The following SUMO2 variants were observed in gnomAD, a reference collection of about 807,000 sequenced individuals.
SUMO2 encodes small ubiquitin like modifier 2, also known as small ubiquitin-related modifier 2.
SUMO2 carries 1 observed loss-of-function variant against 16.0 expected under a neutral mutation model. The ratio of observed to expected loss-of-function variants is 0.06; its 90% confidence interval spans 0.02 to 0.30. The LOEUF (loss-of-function observed/expected upper bound fraction) is 0.30, where lower values mean the gene tolerates loss of function less well. Ranked by LOEUF, SUMO2 falls within the 10% of genes least tolerant of loss-of-function variation. The pLI is 1.00. For missense variants in SUMO2, 16 were observed against 117.5 expected (o/e 0.14, Z 3.99); for synonymous variants, 36 against 40.6 (o/e 0.89, Z 0.43).
At chr17:75,180,483 C>T (rs893588463) in intron 2 of SUMO2, among the ~76,000 whole-genome samples, 1 of 137,826 alleles carries the variant, frequency 7.3e-6, no homozygotes, top group Non-Finnish European at 1.5e-5. Context: ...AAGGCCGAGG[C>T]GGGCGGATCA....
intron 2 of SUMO2, among the ~76,000 whole-genome samples, chr17:75,177,171 C>CAA (rs55817377): frequency 6.3e-5 from 7 of 111,626 alleles, no homozygotes; most frequent in Non-Finnish European, 1.2e-4. Context: ...ACTCTTGTCT[C>CAA]AAAAAAAAAA....
intron 2 of SUMO2, among the ~76,000 whole-genome samples, chr17:75,178,812 C>A (rs537480022): frequency 6.6e-6 from 1 of 151,742 alleles, no homozygotes; most frequent in Non-Finnish European, 1.5e-5. Context: ...GAGGCTGAGG[C>A]GGGTGGTTCA....
intron 2 of SUMO2, among the ~76,000 whole-genome samples, chr17:75,175,692 G>C (rs2074777079): frequency 6.8e-6 from 1 of 146,782 alleles, no homozygotes; most frequent in Non-Finnish European, 1.5e-5. Context: ...GAGTGCAGTG[G>C]TGCGATCTTG....
chr17:75,175,826 T>C (rs567562644), intron 2 of SUMO2, among the ~76,000 whole-genome samples: 1 of 151,562 alleles, frequency 6.6e-6, no homozygotes, highest in African/African-American at 2.4e-5. Context: ...AGAGACAGGG[T>C]TTCACCATGT....
intron 2 of SUMO2, among the ~76,000 whole-genome samples, chr17:75,177,767 T>A (rs1161396567): frequency 6.7e-6 from 1 of 149,814 alleles, no homozygotes; most frequent in Non-Finnish European, 1.5e-5. Context: ...GCGAGACGGG[T>A]GGGTCACCTG....
intron 3 of SUMO2, among the ~76,000 whole-genome samples, chr17:75,173,954 G>A (rs1442527873): frequency 6.6e-6 from 1 of 152,224 alleles, no homozygotes; most frequent in East Asian, 1.9e-4. Flanking sequence ...ACGTTTTGTA[G>A]TAAGGATCTG....
At chr17:75,171,026 G>A (rs182212328) in intron 3 of SUMO2, among the ~76,000 whole-genome samples, 44 of 151,612 alleles carry the variant, frequency 2.9e-4, no homozygotes, top group Middle Eastern at 3.4e-3. Flanking sequence ...AGCCAACTCG[G>A]TGCACTGACT....
At chr17:75,178,124 A>G (rs1243339612) in intron 2 of SUMO2, among the ~76,000 whole-genome samples, 1 of 151,272 alleles carries the variant, frequency 6.6e-6, no homozygotes, top group East Asian at 1.9e-4. Context: ...TAATCCTCCC[A>G]CTGCACTTCA....
intron 2 of SUMO2, among the ~76,000 whole-genome samples, chr17:75,176,117 G>A (rs564774766): frequency 2.8e-4 from 42 of 151,490 alleles, no homozygotes; most frequent in Middle Eastern, 3.4e-3. Context: ...TCAGTTCAAC[G>A]CAACCTCCAC....
At chr17:75,169,272 C>T (rs1197051853) in intron 3 of SUMO2, among the ~76,000 whole-genome samples, 1 of 152,036 alleles carries the variant, frequency 6.6e-6, no homozygotes, top group Admixed American at 6.6e-5. Flanking sequence ...CGCACAATGG[C>T]TCACTCCTGT....
intron 3 of SUMO2, among the ~76,000 whole-genome samples, chr17:75,169,867 G>A (rs1254212977): frequency 1.7e-5 from 2 of 117,964 alleles, no homozygotes; most frequent in Non-Finnish European, 3.3e-5. Context: ...AAAAAAAGGT[G>A]GGGGGGGGCG....
At chr17:75,177,569 C>A (rs2074792176) in intron 2 of SUMO2, among the ~76,000 whole-genome samples, 1 of 151,280 alleles carries the variant, frequency 6.6e-6, no homozygotes, top group Non-Finnish European at 1.5e-5. Context: ...GTAATCCCAG[C>A]TACTTGTGAG....
chr17:75,168,614 G>GTT (rs371365057), intron 3 of SUMO2, among the ~76,000 whole-genome samples: 1 of 146,508 alleles, frequency 6.8e-6, no homozygotes, highest in African/African-American at 2.5e-5. Context: ...AAACTTTTTT[G>GTT]TTTTTTTTTT....
chr17:75,168,587 T>C (rs1298274503), intron 3 of SUMO2, among the ~76,000 whole-genome samples, 186 bp from the exon 4 acceptor site: 2 of 152,120 alleles, frequency 1.3e-5, no homozygotes, highest in Non-Finnish European at 2.9e-5. Context: ...GGCTTCCTTT[T>C]TTATGACTAT....
chr17:75,169,033 A>C (rs1568044761), intron 3 of SUMO2, among the ~76,000 whole-genome samples: 1 of 151,288 alleles, frequency 6.6e-6, no homozygotes, highest in African/African-American at 2.4e-5. Context: ...CACCTGGGCA[A>C]CATAGGGAGA....
chr17:75,180,411 A>AC lies in SUMO2; in HGVS notation c.153+645_153+646insG, dbSNP rs200067343. Among the ~76,000 whole-genome samples, 856 of 143,712 alleles carry AC rather than the reference A, an allele frequency of 6.0e-3. 76 individuals carry two copies. The East Asian group carries it at 0.17, about 28-fold the overall frequency. 94.3% of individuals were successfully genotyped at this position (143,712 alleles called of 152,430 possible). A position where few individuals can be genotyped will look rare whatever the true frequency, so the allele number is the denominator to read the frequency against. On this transcript the variant is annotated intron_variant, in intron 2 of 3. Transcript: ENST00000420826. ...CCAGCTTAAAAAAAAAAAAAAAAAAAAAAAAAAAAACGACTTCTTGGTTTG... is the reference window on the plus strand; with the variant it reads ...CCAGCTTAAAAAAAAAAAAAAAAAAACAAAAAAAAAACGACTTCTTGGTTTG...
chr17:75,180,411 A>AAAC lies in SUMO2; in HGVS notation c.153+645_153+646insGTT, dbSNP rs1555655458. On this transcript the variant is annotated intron_variant, in intron 2 of 3. Coordinates refer to ENST00000420826, the MANE Select transcript of SUMO2 (RefSeq NM_006937.4). ...CCAGCTTAAAAAAAAAAAAAAAAAA[A>AAAC]AAAAAAAAAACGACTTCTTGGTTTG... 6.7e-4 allele frequency among the ~76,000 whole-genome samples: 96 copies of AAAC among 143,718 alleles called. 1 individual carries two copies. The highest frequency in any genetic ancestry group is 5.8e-4 in the Non-Finnish European group (38 of 65,050). 94.3% of individuals were successfully genotyped at this position (143,718 alleles called of 152,430 possible). A position where few individuals can be genotyped will look rare whatever the true frequency, so the allele number is the denominator to read the frequency against.
chr17:75,168,302 A>C lies in SUMO2; in HGVS notation c.*37T>G. 1 of 1,495,978 alleles carries C rather than the reference A, an allele frequency of 6.7e-7. No individual in the cohort carries two copies. The highest frequency in any genetic ancestry group is 9.0e-7 in the Non-Finnish European group (1 of 1,106,280). The allele number at this position is 1,495,978 out of a possible 1,614,324, so 92.7% of individuals were successfully genotyped here. On this transcript the variant is annotated 3_prime_UTR_variant, in exon 4 of 4. Transcript: ENST00000420826. Reference sequence around the variant, plus strand: ...TTGAGAATGTAATCTTGGTCTTTAAAGAACAGAGTTCTGGAGTAAAGAAGC... The same window carrying C: ...TTGAGAATGTAATCTTGGTCTTTAACGAACAGAGTTCTGGAGTAAAGAAGC...
At chr17:75,170,729 A>G (rs1168120368) in intron 3 of SUMO2, among the ~76,000 whole-genome samples, 1 of 151,750 alleles carries the variant, frequency 6.6e-6, no homozygotes, top group Non-Finnish European at 1.5e-5. Flanking sequence ...AGGTGCCTGT[A>G]ATCCCAGCCA....
Sources: allele counts gnomAD v4.1 joint callset (sites outside exome capture counted in the v4.1 genomes callset), GRCh38; gene constraint gnomAD v4.1.1; transcripts MANE v1.5; gene names NCBI Gene and HGNC (gene_info 2026-07-23, HGNC 2026-07-21).